The following ARMC7 variants were observed in gnomAD, a reference collection of about 807,000 sequenced individuals.
The protein encoded by ARMC7 is armadillo repeat-containing protein 7.
In ARMC7, 9 loss-of-function variants were observed where a neutral mutation model predicts 14.8. The ratio of observed to expected loss-of-function variants is 0.61; its 90% CI spans 0.37 to 1.06. The LOEUF is 1.06. Ranked by LOEUF, ARMC7 falls within the 50% of genes least tolerant of loss-of-function variation. The pLI is 0.01. For missense variants in ARMC7, 262 were observed against 267.1 expected (o/e 0.98, Z 0.13); for synonymous variants, 125 against 123.4 (o/e 1.01, Z -0.09).
chr17:75,110,233 C>A lies in ARMC7; in HGVS notation c.-56C>A. 6.6e-7 allele frequency: 1 copy of A among 1,509,412 alleles called. No homozygotes were observed. The highest frequency in any genetic ancestry group is 1.4e-5 in the African/African-American group (1 of 72,356). 93.5% of individuals were successfully genotyped at this position (1,509,412 alleles called of 1,614,324 possible). ...GGGTGAGGGTCTCGCTCGGCTTTCC[C>A]CCTGCACCTTTCCCACCCTCCCGCC... On this transcript the variant is annotated 5_prime_UTR_variant, in exon 1 of 3. Coordinates refer to ENST00000245543, the MANE Select transcript of ARMC7 (RefSeq NM_024585.4).
intron 2 of ARMC7, among the ~76,000 whole-genome samples, chr17:75,120,079 A>G (rs2074002755): frequency 6.6e-6 from 1 of 151,658 alleles, no homozygotes; most frequent in African/African-American, 2.4e-5. Context: ...TAATTTTTGT[A>G]TTTTTAGTAG....
chr17:75,113,871 C>T (rs2073952235), intron 2 of ARMC7, among the ~76,000 whole-genome samples: 1 of 152,178 alleles, frequency 6.6e-6, no homozygotes, highest in African/African-American at 2.4e-5. Flanking sequence ...GGCATTCACT[C>T]CTGGGAGTCA....
intron 2 of ARMC7, among the ~76,000 whole-genome samples, chr17:75,115,179 G>A (rs2073964800): frequency 6.6e-6 from 1 of 152,154 alleles, no homozygotes; most frequent in Non-Finnish European, 1.5e-5. Context: ...CAACACCCCT[G>A]AGCAGGGTTG....
intron 2 of ARMC7, among the ~76,000 whole-genome samples, chr17:75,126,424 G>C (rs2074051712): frequency 1.3e-5 from 2 of 152,076 alleles, no homozygotes; most frequent in African/African-American, 4.8e-5. Context: ...CAGAATCCTA[G>C]TAACGGTGAC....
At chr17:75,110,758 T>G (rs2073913295) in intron 2 of ARMC7, 152 bp downstream of exon 2, 2 of 1,054,978 alleles carry the variant, frequency 1.9e-6, no homozygotes, top group Non-Finnish European at 2.7e-6. Flanking sequence ...AGGTCATGAG[T>G]TCGAGACCAG....
rs1196764076 is a variant in ARMC7, at chr17:75,110,155, G to C, written c.-134G>C. On this transcript the variant is annotated 5_prime_UTR_variant, in exon 1 of 3. Transcript: ENST00000245543. ...CAAATTACTGCAGAATCTGAACCCA[G>C]GAAAGAAACCCATTTGCCGACCCCC... 3.7e-6 allele frequency: 3 copies of C among 801,310 alleles called. No homozygotes were observed. The highest frequency in any genetic ancestry group is 5.8e-6 in the Non-Finnish European group (3 of 519,886). The allele number at this position is 801,310 out of a possible 1,614,324, so 49.6% of individuals were successfully genotyped here.
chr17:75,127,144 CAGA>C (rs1028717207), intron 2 of ARMC7, among the ~76,000 whole-genome samples: 4 of 151,458 alleles, frequency 2.6e-5, no homozygotes, highest in African/African-American at 9.7e-5. Flanking sequence ...GAGGCTGAGG[CAGA>C]AGGATGGCTT....
At chr17:75,118,929 G>A (rs1291525361) in intron 2 of ARMC7, among the ~76,000 whole-genome samples, 1 of 152,228 alleles carries the variant, frequency 6.6e-6, no homozygotes, top group Non-Finnish European at 1.5e-5. Context: ...GATAACTGGA[G>A]CCAGGACTTC....
chr17:75,121,535 T>C (rs964416131), intron 2 of ARMC7, among the ~76,000 whole-genome samples: 1 of 152,094 alleles, frequency 6.6e-6, no homozygotes, highest in African/African-American at 2.4e-5. Context: ...CACCTCAGCC[T>C]CCGGAGTAGC....
intron 2 of ARMC7, among the ~76,000 whole-genome samples, chr17:75,113,599 C>T (rs1032429631): frequency 2.6e-5 from 4 of 152,144 alleles, no homozygotes; most frequent in African/African-American, 9.7e-5. Flanking sequence ...TCGTGATCTG[C>T]CCGCCTCGGC....
At chr17:75,127,144 C>T (rs2074057834) in intron 2 of ARMC7, among the ~76,000 whole-genome samples, 1 of 151,458 alleles carries the variant, frequency 6.6e-6, no homozygotes, top group African/African-American at 2.4e-5. Flanking sequence ...GAGGCTGAGG[C>T]AGAAGGATGG....
At chr17:75,125,360 G>A (rs1046763729) in intron 2 of ARMC7, among the ~76,000 whole-genome samples, 5 of 152,182 alleles carry the variant, frequency 3.3e-5, no homozygotes, top group Admixed American at 3.3e-4. Context: ...GGAGAGCAGT[G>A]GAGGGCTTGT....
At position 75,123,311 on chromosome 17, in the gene ARMC7, G is replaced by A. The variant is rs142778468; in HGVS notation, c.236-5366G>A. On this transcript the variant is annotated intron_variant, in intron 2 of 2. Coordinates refer to ENST00000245543, the MANE Select transcript of ARMC7 (RefSeq NM_024585.4). ...GATCCACCCGCCTCGGCCTCCCAAA[G>A]TGCTGGGATGACAGGCATGAGCCAC... is the stretch of plus-strand genomic sequence containing the variant. 6.3e-3 allele frequency among the ~76,000 whole-genome samples: 931 copies of A among 148,152 alleles called. 12 individuals are homozygous for A. Among genetic ancestry groups the A allele is most frequent in the African/African-American group, 0.022 (895 of 40,030 alleles).
At position 75,110,953 on chromosome 17, in the gene ARMC7, C is replaced by CAAAAAAA. The variant is rs537195116; in HGVS notation, c.235+365_235+371dup. ...CGGGGACAAGAGTGAGACCCCGTCT[C>CAAAAAAA]AAAAAAAAAAAAAAAAAAAAAAAAG... On this transcript the variant is annotated intron_variant, in intron 2 of 2. Coordinates refer to ENST00000245543, the MANE Select transcript of ARMC7 (RefSeq NM_024585.4). 7.6e-3 allele frequency among the ~76,000 whole-genome samples: 377 copies of CAAAAAAA among 49,810 alleles called. 20 individuals are homozygous for CAAAAAAA. Among genetic ancestry groups the CAAAAAAA allele is most frequent in the African/African-American group, 0.026 (363 of 13,742 alleles). The allele number at this position is 49,810 out of a possible 152,430, so 32.7% of individuals were successfully genotyped here. A position where few individuals can be genotyped will look rare whatever the true frequency, so the allele number is the denominator to read the frequency against.
chr17:75,114,138 C>T (rs2073954545), intron 2 of ARMC7: 1 of 401,350 alleles, frequency 2.5e-6, no homozygotes, highest in Non-Finnish European at 4.4e-6. Flanking sequence ...CGTCCTCCGT[C>T]CCGTCCCTTT....
chr17:75,110,311 ACC>A lies in ARMC7; in HGVS notation c.27_28del (p.His10ArgfsTer36). 1 of 1,612,768 alleles carries A rather than the reference ACC, an allele frequency of 6.2e-7. No homozygotes were observed. On this transcript the variant is annotated frameshift_variant, in exon 1 of 3. Transcript: ENST00000245543. LOFTEE classifies it high-confidence loss of function. Reference sequence around the variant, plus strand: ...GCCATGGCCCAGAAGCCGAAGGTGGACCCCCACGTCGGGCGGCTGGGATACCT... The same window carrying A: ...GCCATGGCCCAGAAGCCGAAGGTGGACCCACGTCGGGCGGCTGGGATACCT...
rs930232597 is a variant in ARMC7 at position 75,110,574 on chromosome 17, A to C, written c.203A>C (p.Glu68Ala). ...VLDLFLDSLS[E>A]ENETLVEFAI... ...GATTTATTTCTCGATTCGCTGTCGG[A>C]GGAGAATGAGACCCTGGTGGAGTTT... Residue 68 changes from glutamate to alanine, a missense_variant, in exon 2 of 3, where the codon GAG becomes GCG. Transcript: ENST00000245543. The C allele has an allele frequency of 2.5e-6, 4 of 1,613,770 alleles. No homozygotes were observed. The highest frequency in any genetic ancestry group is 1.6e-4 in the Middle Eastern group (1 of 6,062).
chr17:75,116,967 C>G (rs1216883622), intron 2 of ARMC7, among the ~76,000 whole-genome samples: 1 of 152,188 alleles, frequency 6.6e-6, no homozygotes, highest in Non-Finnish European at 1.5e-5. Context: ...TGCCTCCTCT[C>G]TGAGGGCTGG....
At chr17:75,127,138 C>G (rs2074057767) in intron 2 of ARMC7, among the ~76,000 whole-genome samples, 2 of 151,342 alleles carry the variant, frequency 1.3e-5, no homozygotes, top group African/African-American at 4.9e-5. Context: ...CCCAGGGAGG[C>G]TGAGGCAGAA....
Sources: allele counts gnomAD v4.1 joint callset (sites outside exome capture counted in the v4.1 genomes callset), GRCh38; gene constraint gnomAD v4.1.1; transcripts MANE v1.5; gene names NCBI Gene and HGNC (gene_info 2026-07-23, HGNC 2026-07-21).